Variants in DNAJB1 observed in about 807,000 individuals in gnomAD.
DNAJB1 encodes DnaJ heat shock protein family (Hsp40) member B1.
Under a neutral mutation model 24.0 loss-of-function variants are expected in DNAJB1, and 14 were observed. The ratio of observed to expected loss-of-function variants is 0.58; its 90% CI spans 0.39 to 0.91. DNAJB1 has a LOEUF of 0.91. DNAJB1 is among the 40% of genes least tolerant of loss of function. DNAJB1 has a pLI of 0.00. For missense variants in DNAJB1, 517 were observed against 458.1 expected (o/e 1.13, Z -1.17); for synonymous variants, 262 against 174.4 (o/e 1.50, Z -3.96).
At chr19:14,560,170 C>T (rs1282211392) in exon 1 of DNAJB1, among the ~76,000 whole-genome samples, 1 of 152,224 alleles carries the variant, frequency 6.6e-6, no homozygotes, top group East Asian at 1.9e-4. Context: ...TAGCCGGGAC[C>T]CCGATGGCCG....
chr19:14,543,620 A>T (rs1205007811), intron 1 of DNAJB1, among the ~76,000 whole-genome samples: 1 of 147,940 alleles, frequency 6.8e-6, no homozygotes, highest in Non-Finnish European at 1.5e-5. Flanking sequence ...TTGTATTTTT[A>T]GTAGAGACGG....
chr19:14,529,278 C>G (rs548364573), exon 1 of DNAJB1: 1 of 340,328 alleles, frequency 2.9e-6, no homozygotes, highest in South Asian at 2.7e-5. Context: ...AACTTCTTAC[C>G]CCGCCCCCGC....
At chr19:14,559,510 G>A (rs1381834351) in intron 1 of DNAJB1, among the ~76,000 whole-genome samples, 1 of 151,618 alleles carries the variant, frequency 6.6e-6, no homozygotes, top group Non-Finnish European at 1.5e-5. Flanking sequence ...ATTATAGGCC[G>A]GGCCAGGTGG....
upstream of DNAJB1, among the ~76,000 whole-genome samples, chr19:14,522,683 GACACACACACACACACACACAC>G (rs56121204): frequency 3.4e-5 from 4 of 117,866 alleles, no homozygotes; most frequent in Admixed American, 8.6e-5. Context: ...CACACACACA[GACACACACACACACACACACAC>G]ACACACACAC....
At chr19:14,557,114 CTTATTTATTTAT>C (rs3050003) in intron 1 of DNAJB1, among the ~76,000 whole-genome samples, 201 of 140,446 alleles carry the variant, frequency 1.4e-3, no homozygotes, top group African/African-American at 4.8e-3. Flanking sequence ...TTGGTCTAAT[CTTATTTATTTAT>C]TTATTTATTT....
chr19:14,546,599 C>G lies in DNAJB1; in HGVS notation c.-214+3609G>C, dbSNP rs74773002. Among the ~76,000 whole-genome samples the G allele has an allele frequency of 1.2e-3, 181 of 152,308 alleles. 1 individual carries two copies. The highest frequency in any genetic ancestry group is 4.0e-3 in the African/African-American group (165 of 41,566). On this transcript the variant is annotated intron_variant, in intron 1 of 3. Transcript: ENST00000676982. ...GAAACAGGGCTCTCACTATCTTGGCCTGGCTGCATGCACTACCGTGTCTAG... is the reference window on the plus strand; with the variant it reads ...GAAACAGGGCTCTCACTATCTTGGCGTGGCTGCATGCACTACCGTGTCTAG...
chr19:14,522,852 C>T (rs898378837), upstream of DNAJB1, among the ~76,000 whole-genome samples: 6 of 152,118 alleles, frequency 3.9e-5, no homozygotes, highest in Non-Finnish European at 8.8e-5. Context: ...TTATTTCCTA[C>T]GTGTGTGATC....
At chr19:14,550,559 T>A (rs964588099), upstream of DNAJB1, among the ~76,000 whole-genome samples, 2 of 152,152 alleles carry the variant, frequency 1.3e-5, no homozygotes, top group Non-Finnish European at 2.9e-5. Context: ...GCCACCCAGC[T>A]GTGGGTGCAG....
upstream of DNAJB1, among the ~76,000 whole-genome samples, chr19:14,554,886 C>G (rs1649456525): frequency 6.6e-6 from 1 of 151,974 alleles, no homozygotes; most frequent in South Asian, 2.1e-4. Flanking sequence ...TCAATCGATT[C>G]TCTTGCCTCA....
At chr19:14,521,968 C>T (rs1314429274), upstream of DNAJB1, among the ~76,000 whole-genome samples, 1 of 151,766 alleles carries the variant, frequency 6.6e-6, no homozygotes, top group Non-Finnish European at 1.5e-5. Context: ...TTCTAGGAGC[C>T]AGGAAATTAA....
upstream of DNAJB1, chr19:14,529,631 G>A (rs377724067): frequency 3.1e-4 from 504 of 1,612,790 alleles, no homozygotes; most frequent in South Asian, 9.3e-4. Flanking sequence ...GCTGTAGGGA[G>A]CCTGTGCTGT....
chr19:14,519,307 T>G (rs2072335591), upstream of DNAJB1, among the ~76,000 whole-genome samples: 1 of 152,150 alleles, frequency 6.6e-6, no homozygotes, highest in Admixed American at 6.5e-5. Context: ...AGGCGGAGGT[T>G]GCAGTGAGCC....
intron 1 of DNAJB1, among the ~76,000 whole-genome samples, chr19:14,549,431 T>C (rs2073418930): frequency 6.6e-6 from 1 of 151,934 alleles, no homozygotes; most frequent in Non-Finnish European, 1.5e-5. Flanking sequence ...CAGGCTAGTC[T>C]TGAACTCCTA....
chr19:14,535,695 C>T (rs1168093229), intron 1 of DNAJB1, among the ~76,000 whole-genome samples: 16 of 126,852 alleles, frequency 1.3e-4, no homozygotes, highest in African/African-American at 3.0e-4. Flanking sequence ...GTGGAGGTCG[C>T]GGACGAGCTG....
At position 14,516,447 on chromosome 19, in the gene DNAJB1, G is replaced by A. The variant is rs373960604; in HGVS notation, c.792+19C>T. ...GCAGCCATCGCCCTCTACAGACACC[G>A]CCCCACCTGGCACCTTACCTCCCGG... is the stretch of plus-strand genomic sequence containing the variant. On this transcript the variant is annotated intron_variant, in intron 2 of 2. Transcript: ENST00000254322. 1.6e-5 allele frequency: 26 copies of A among 1,605,704 alleles called. 2 individuals carry two copies. The African/African-American group carries it at 2.5e-4, about 16-fold the overall frequency.
upstream of DNAJB1, chr19:14,529,526 G>A: frequency 1.2e-6 from 1 of 868,824 alleles, no homozygotes; most frequent in African/African-American, 1.7e-5. Flanking sequence ...GCGAACGTGG[G>A]CGCCTCGTGC....
At chr19:14,517,145 A>G (rs1182559366) in intron 1 of DNAJB1, 99 bp from the exon 2 acceptor site, 1 of 1,309,506 alleles carries the variant, frequency 7.6e-7, no homozygotes, top group Non-Finnish European at 1.0e-6. Flanking sequence ...TGGGGGAGGA[A>G]CTTTTTTGTC....
chr19:14,542,382 A>G (rs1462185599), intron 1 of DNAJB1, among the ~76,000 whole-genome samples: 2 of 44,902 alleles, frequency 4.5e-5, no homozygotes, highest in Admixed American at 2.7e-4. Flanking sequence ...TTTTTCTGAG[A>G]TGGAGTTTCG....
chr19:14,530,628 C>T (rs1461002798), upstream of DNAJB1: 1 of 152,046 alleles, frequency 6.6e-6, no homozygotes, highest in Non-Finnish European at 1.5e-5. Flanking sequence ...TGTTCAAAGG[C>T]CCCTAGTTAG....
Sources: gnomAD v4.1 joint callset for allele counts (sites outside exome capture counted in the v4.1 genomes callset) on GRCh38, gnomAD v4.1.1 for gene constraint, MANE v1.5 for transcripts, NCBI Gene and HGNC (gene_info 2026-07-23, HGNC 2026-07-21) for gene names.